Variants in SLC16A12 observed in about 807,000 individuals in gnomAD.
SLC16A12 encodes the protein solute carrier family 16 member 12.
A neutral mutation model predicts 42.4 loss-of-function variants in SLC16A12; 17 were observed. The ratio of observed to expected loss-of-function variants is 0.40; its 90% CI spans 0.27 to 0.60. SLC16A12 has a LOEUF of 0.60. Among genes scored for constraint, SLC16A12 ranks in the 20% least tolerant of loss-of-function variants. SLC16A12 has a pLI of 0.42. For synonymous variants in SLC16A12, 224 were observed against 229.4 expected, an observed-to-expected ratio of 0.98 and a Z score of 0.21; for missense variants, 544 against 623.0, an observed-to-expected ratio of 0.87 and a Z score of 1.35.
At chr10:89,488,246 A>C (rs1266902132) in intron 2 of SLC16A12, among the ~76,000 whole-genome samples, 2 of 152,078 alleles carry the variant, frequency 1.3e-5, no homozygotes, top group African/African-American at 4.8e-5. Context: ...TTTTTTTAAA[A>C]GATCCATCAA....
At chr10:89,497,622 G>C (rs1842939245) in intron 2 of SLC16A12, among the ~76,000 whole-genome samples, 1 of 152,076 alleles carries the variant, frequency 6.6e-6, no homozygotes, top group African/African-American at 2.4e-5. Flanking sequence ...GTGAGAGGCA[G>C]AACAGAATTA....
chr10:89,543,605 G>A (rs566236594), intron 2 of SLC16A12, among the ~76,000 whole-genome samples: 27 of 152,288 alleles, frequency 1.8e-4, no homozygotes, highest in Non-Finnish European at 3.4e-4. Flanking sequence ...AAGACAGGAG[G>A]ATTGCTTCAG....
chr10:89,537,263 G>A (rs754296588), upstream of SLC16A12, among the ~76,000 whole-genome samples: 2 of 149,874 alleles, frequency 1.3e-5, no homozygotes, highest in Non-Finnish European at 3.0e-5. Flanking sequence ...TTGCAGTCTC[G>A]AACTCCTAGG....
chr10:89,508,615 A>G (rs541518249), intron 2 of SLC16A12, among the ~76,000 whole-genome samples: 3 of 152,376 alleles, frequency 2.0e-5, no homozygotes, highest in South Asian at 2.1e-4. Flanking sequence ...AATGTCCACA[A>G]GAGAAAGCAG....
Position 89,512,514 on chromosome 10 carries a change from G to C in SLC16A12, c.-47+21987C>G, listed in dbSNP as rs188773067. Among the ~76,000 whole-genome samples the C allele has an allele frequency of 4.0e-3, 605 of 152,248 alleles. 4 individuals carry two copies. The highest frequency in any genetic ancestry group is 6.8e-3 in the Middle Eastern group (2 of 294). ...GGGGAAGGAATAGGGCCTGAAGATT[G>C]ACTTAACCACCAATGGTTAATGATT... On this transcript the variant is annotated intron_variant, in intron 2 of 7. Coordinates refer to ENST00000371790, the MANE Select transcript of SLC16A12 (RefSeq NM_213606.4).
chr10:89,518,785 C>T (rs1166751821), intron 2 of SLC16A12, among the ~76,000 whole-genome samples: 1 of 152,122 alleles, frequency 6.6e-6, no homozygotes, highest in Non-Finnish European at 1.5e-5. Context: ...TCCACCTACC[C>T]AACAATCCTG....
intron 2 of SLC16A12, among the ~76,000 whole-genome samples, chr10:89,502,029 C>A (rs965329143): frequency 2.0e-5 from 3 of 152,178 alleles, no homozygotes; most frequent in Admixed American, 6.5e-5. Flanking sequence ...TTGATCCTTA[C>A]TGTGTTGCTT....
At position 89,505,794 on chromosome 10, in the gene SLC16A12, G is replaced by A. The variant is rs991172087; in HGVS notation, c.-47+28707C>T. ...TTCCCTCTGGTGCCTGGCTCAGCAG[G>A]TTCCACGCCCACAGAGCCTAGCAAA... On this transcript the variant is annotated intron_variant, in intron 2 of 7. Coordinates refer to ENST00000371790, the MANE Select transcript of SLC16A12 (RefSeq NM_213606.4). Among the ~76,000 whole-genome samples the A allele has an allele frequency of 2.0e-5, 3 of 152,214 alleles. No individual in the cohort carries two copies. The East Asian group carries it at 5.8e-4, about 29-fold the overall frequency.
intron 2 of SLC16A12, among the ~76,000 whole-genome samples, chr10:89,508,945 C>T (rs918865175): frequency 6.6e-6 from 1 of 152,066 alleles, no homozygotes; most frequent in Non-Finnish European, 1.5e-5. Context: ...TACAAACTAC[C>T]ATCAGAGAAT....
chr10:89,454,666 T>C (rs1842156847), intron 3 of SLC16A12, among the ~76,000 whole-genome samples: 1 of 151,846 alleles, frequency 6.6e-6, no homozygotes, highest in South Asian at 2.1e-4. Context: ...TTTTCTTTTC[T>C]AGCATGCTCT....
At chr10:89,486,504 A>T (rs1359736628) in intron 2 of SLC16A12, among the ~76,000 whole-genome samples, 1 of 151,136 alleles carries the variant, frequency 6.6e-6, no homozygotes, top group African/African-American at 2.4e-5. Flanking sequence ...AGGTCGGAGG[A>T]TCCCTTGAAT....
chr10:89,436,868 A>AAAAAAAGAAAGAAAGAAAG (rs1554884214), intron 6 of SLC16A12, among the ~76,000 whole-genome samples: 5 of 120,510 alleles, frequency 4.1e-5, no homozygotes, highest in Admixed American at 1.7e-4. Context: ...GAAATAAAGA[A>AAAAAAAGAAAGAAAGAAAG]AAAGAAAGAA....
chr10:89,446,763 A>G (rs1842009022), intron 3 of SLC16A12, among the ~76,000 whole-genome samples: 1 of 152,194 alleles, frequency 6.6e-6, no homozygotes, highest in Admixed American at 6.5e-5. Flanking sequence ...CAACATATTA[A>G]CCTTAAATGT....
intron 3 of SLC16A12, among the ~76,000 whole-genome samples, chr10:89,450,500 C>T (rs1320289268): frequency 2.0e-5 from 3 of 152,158 alleles, no homozygotes; most frequent in Non-Finnish European, 4.4e-5. Context: ...AGCAAACTAT[C>T]GCAAGGACAG....
At chr10:89,531,979 T>C (rs1014459630) in intron 2 of SLC16A12, among the ~76,000 whole-genome samples, 3 of 152,200 alleles carry the variant, frequency 2.0e-5, no homozygotes, top group Non-Finnish European at 4.4e-5. Context: ...CCATACAATG[T>C]CCTCTCTTCC....
At chr10:89,513,175 T>A (rs562939514) in intron 2 of SLC16A12, among the ~76,000 whole-genome samples, 5 of 151,528 alleles carry the variant, frequency 3.3e-5, no homozygotes, top group South Asian at 2.1e-4. Context: ...AACCATAATT[T>A]AAAAAAAAAT....
chr10:89,433,085 C>T lies in SLC16A12; in HGVS notation c.1530G>A (p.Val510=). Residue 510 remains valine (V), a synonymous_variant, in exon 8 of 8, where the codon GTG becomes GTA. Transcript: ENST00000371790. ...TTGGTCATGTGAGGCTGTAGCCAGG[C>T]ACTGCTGTAGCCACAGGCTCCCCAT... The part of the protein sequence containing the change: ...QKHGEPVATA[V]PGYSLT The T allele has an allele frequency of 6.2e-7, 1 of 1,614,180 alleles. No individual in the cohort carries two copies. Among genetic ancestry groups the T allele is most frequent in the Middle Eastern group, 1.7e-4 (1 of 6,058 alleles).
At chr10:89,485,335 T>G (rs570624260) in intron 2 of SLC16A12, among the ~76,000 whole-genome samples, 2 of 152,170 alleles carry the variant, frequency 1.3e-5, no homozygotes, top group South Asian at 4.1e-4. Context: ...GATATAGACT[T>G]AGAGCAAGAA....
At position 89,462,434 on chromosome 10, in the gene SLC16A12, A is replaced by C. The variant is rs1564577020; in HGVS notation, c.145T>G (p.Trp49Gly). 5 of 1,614,068 alleles carry C rather than the reference A, an allele frequency of 3.1e-6. No individual in the cohort carries two copies. Among genetic ancestry groups the C allele is most frequent in the Non-Finnish European group, 4.2e-6 (5 of 1,179,956 alleles). ...STSPPDGGWG[W>G]MIVAGCFLVT... The stretch of plus-strand genomic sequence containing the variant: ...AGGAAACAGCCAGCCACAATCATCC[A>C]GCCCCAGCCTCCATCTGGAGGGGAG... The change falls in exon 3 of 8, where the codon TGG becomes GGG. Residue 49 changes from tryptophan (W) to glycine (G), a missense_variant. Physicochemically the swap from Trp to Gly is radical, Grantham distance 184. Transcript: ENST00000371790.
Sources: gnomAD v4.1 joint callset for allele counts (sites outside exome capture counted in the v4.1 genomes callset) on GRCh38, gnomAD v4.1.1 for gene constraint, MANE v1.5 for transcripts, NCBI Gene and HGNC (gene_info 2026-07-23, HGNC 2026-07-21) for gene names.